COL21A1: variants seen among roughly 807,000 people sequenced by gnomAD.
COL21A1 encodes the protein collagen alpha-1(XXI) chain.
In COL21A1, 149 loss-of-function variants were observed where a neutral mutation model predicts 137.9. That is an observed-to-expected ratio of 1.08 (90% CI 0.95 to 1.24). The LOEUF (loss-of-function observed/expected upper bound fraction) is 1.24. Ranked by LOEUF, COL21A1 falls within the 50% of genes most tolerant of loss-of-function variation. COL21A1 has a pLI of 0.00. For missense variants in COL21A1, 1,167 were observed against 1,158.4 expected (o/e 1.01, Z -0.11); for synonymous variants, 456 against 391.5 (o/e 1.16, Z -1.95).
intron 19 of COL21A1, among the ~76,000 whole-genome samples, chr6:56,075,246 T>C (rs546447290): frequency 6.6e-6 from 1 of 151,544 alleles, no homozygotes; most frequent in South Asian, 2.1e-4. Flanking sequence ...ACAGTTAGGG[T>C]CCCTGATGTT....
intron 1 of COL21A1, among the ~76,000 whole-genome samples, chr6:56,183,976 A>G (rs1778093740): frequency 6.6e-6 from 1 of 152,214 alleles, no homozygotes; most frequent in African/African-American, 2.4e-5. Flanking sequence ...ATAAGTCAAT[A>G]GAAATTATCA....
intron 1 of COL21A1, among the ~76,000 whole-genome samples, chr6:56,196,232 A>C (rs998431011): frequency 6.6e-6 from 1 of 152,156 alleles, no homozygotes; most frequent in Admixed American, 6.6e-5. Context: ...AAGATAATAA[A>C]AGCCATATAT....
At chr6:56,201,481 A>G (rs1217564909) in intron 1 of COL21A1, among the ~76,000 whole-genome samples, 1 of 152,152 alleles carries the variant, frequency 6.6e-6, no homozygotes. Flanking sequence ...TAATTTTTGC[A>G]TAAGGTGTAA....
At chr6:56,312,342 T>G (rs574148694) in intron 1 of COL21A1, among the ~76,000 whole-genome samples, 1 of 152,222 alleles carries the variant, frequency 6.6e-6, no homozygotes, top group Non-Finnish European at 1.5e-5. Context: ...TTGTGATTAC[T>G]TAGGTGATAA....
chr6:56,105,578 T>G (rs1770816357), intron 16 of COL21A1, among the ~76,000 whole-genome samples: 1 of 152,184 alleles, frequency 6.6e-6, no homozygotes, highest in Non-Finnish European at 1.5e-5. Context: ...TTTCTATAAC[T>G]AGGAGAGAAT....
chr6:56,196,227 A>C (rs966014606), intron 1 of COL21A1, among the ~76,000 whole-genome samples: 2 of 152,168 alleles, frequency 1.3e-5, no homozygotes, highest in Non-Finnish European at 2.9e-5. Flanking sequence ...ACTTCAAGAT[A>C]ATAAAAGCCA....
intron 1 of COL21A1, among the ~76,000 whole-genome samples, chr6:56,206,634 A>G (rs182448336): frequency 0.014 from 2,042 of 149,992 alleles, 47 homozygotes; most frequent in African/African-American, 0.047. Flanking sequence ...CTCTGGACCA[A>G]GTGGACCTAA....
chr6:56,140,697 C>T lies in COL21A1; in HGVS notation c.1542+1088G>A, dbSNP rs546241272. Reference sequence around the variant, plus strand: ...GCTCTGGGCAAAGAACTCTCAGAAGCCACATGGAATGTGAAGCGGAAACTT... The same window carrying T: ...GCTCTGGGCAAAGAACTCTCAGAAGTCACATGGAATGTGAAGCGGAAACTT... On this transcript the variant is annotated intron_variant, in intron 12 of 29. Coordinates refer to ENST00000244728, the MANE Select transcript of COL21A1 (RefSeq NM_030820.4). Among the ~76,000 whole-genome samples the T allele has an allele frequency of 2.0e-5, 3 of 152,260 alleles. No individual in the cohort carries two copies. The South Asian group carries it at 6.2e-4, about 32-fold the overall frequency.
At chr6:56,248,925 C>T (rs951562923), upstream of COL21A1, among the ~76,000 whole-genome samples, 1 of 152,168 alleles carries the variant, frequency 6.6e-6, no homozygotes. Context: ...AAATGTTGTG[C>T]TTCAAATCAC....
chr6:56,170,512 C>T (rs1776951511), intron 5 of COL21A1, 137 bp downstream of exon 5: 2 of 660,772 alleles, frequency 3.0e-6, no homozygotes, highest in Non-Finnish European at 5.0e-6. Flanking sequence ...TTTTCTTCAA[C>T]ACAGAAACAT....
At chr6:56,359,202 TATG>T (rs1234784894) in intron 1 of COL21A1, among the ~76,000 whole-genome samples, 1 of 152,216 alleles carries the variant, frequency 6.6e-6, no homozygotes, top group African/African-American at 2.4e-5. Flanking sequence ...ATTTCAAATA[TATG>T]ATAATTATAT....
intron 1 of COL21A1, among the ~76,000 whole-genome samples, chr6:56,226,841 T>C (rs1385578767): frequency 1.3e-5 from 2 of 149,398 alleles, no homozygotes; most frequent in Non-Finnish European, 3.0e-5. Flanking sequence ...TCGAAGAGAC[T>C]ATCAAACTTT....
At chr6:56,204,358 G>A (rs184395488) in intron 1 of COL21A1, among the ~76,000 whole-genome samples, 2 of 152,234 alleles carry the variant, frequency 1.3e-5, no homozygotes, top group African/African-American at 4.8e-5. Context: ...AAGCCAGAGG[G>A]AAGTTCAAAC....
At chr6:56,323,269 T>C (rs529060631) in intron 1 of COL21A1, among the ~76,000 whole-genome samples, 2 of 152,312 alleles carry the variant, frequency 1.3e-5, no homozygotes, top group East Asian at 3.9e-4. Flanking sequence ...AGATATGGCA[T>C]GAACATCAAA....
At chr6:56,305,377 T>G (rs1427730116) in intron 1 of COL21A1, among the ~76,000 whole-genome samples, 2 of 152,202 alleles carry the variant, frequency 1.3e-5, no homozygotes, top group Admixed American at 1.3e-4. Context: ...TAAGTCTCTT[T>G]CTAGGTCTCT....
At chr6:56,099,224 ATTTTTTTTTTTTTT>A (rs765498868) in intron 17 of COL21A1, among the ~76,000 whole-genome samples, 12 of 112,000 alleles carry the variant, frequency 1.1e-4, no homozygotes, top group African/African-American at 3.8e-4. Context: ...CACAAACTAA[ATTTTTTTTTTTTTT>A]TTTTTTTTTT....
Position 56,136,719 on chromosome 6 carries a change from T to G in COL21A1, c.1542+5066A>C, listed in dbSNP as rs531891516. Among the ~76,000 whole-genome samples, 5 of 152,338 alleles carry G rather than the reference T, an allele frequency of 3.3e-5. No individual in the cohort carries two copies. The East Asian group carries it at 9.6e-4, about 29-fold the overall frequency. ...GTGTGTGTGTTTCAAATTCACATAA[T>G]ACTTTGCTCAGTAGCACAGATATAT... is the stretch of plus-strand genomic sequence containing the variant. On this transcript the variant is annotated intron_variant, in intron 12 of 29. Transcript: ENST00000244728.
chr6:56,383,957 T>G (rs890445425), intron 1 of COL21A1, among the ~76,000 whole-genome samples: 2 of 151,920 alleles, frequency 1.3e-5, no homozygotes. Context: ...TAATCTTAGT[T>G]CACAAATCCA....
chr6:56,100,908 A>C (rs1279631311), intron 17 of COL21A1, among the ~76,000 whole-genome samples: 2 of 152,166 alleles, frequency 1.3e-5, no homozygotes, highest in Admixed American at 6.5e-5. Context: ...CAAATTTCAA[A>C]TTTCTTGAGG....
Sources: allele counts gnomAD v4.1 joint callset (sites outside exome capture counted in the v4.1 genomes callset), GRCh38; gene constraint gnomAD v4.1.1; transcripts MANE v1.5; gene names NCBI Gene and HGNC (gene_info 2026-07-23, HGNC 2026-07-21).